Variants in ZBTB44 observed in about 807,000 individuals in gnomAD.
ZBTB44 encodes the protein zinc finger and BTB domain containing 44, also known as zinc finger and BTB domain-containing protein 44.
Under a neutral mutation model 54.0 loss-of-function variants are expected in ZBTB44, and 15 were observed. The observed-to-expected ratio is 0.28, with a 90% CI of 0.19 to 0.43. ZBTB44 has a LOEUF of 0.43. ZBTB44 is among the 20% of genes least tolerant of loss of function. ZBTB44 has a pLI of 1.00. For missense variants in ZBTB44, 487 were observed against 707.1 expected (o/e 0.69, Z 3.53); for synonymous variants, 230 against 250.1 (o/e 0.92, Z 0.76).
chr11:130,255,898 C>CAAA (rs66874715), intron 2 of ZBTB44, among the ~76,000 whole-genome samples: 79 of 93,392 alleles, frequency 8.5e-4, no homozygotes, highest in Middle Eastern at 6.0e-3. Context: ...GGCAAAACCT[C>CAAA]AAAAAAAAAA....
chr11:130,232,435 G>A (rs1281676374), intron 7 of ZBTB44: 1 of 152,116 alleles, frequency 6.6e-6, no homozygotes, highest in Non-Finnish European at 1.5e-5. Flanking sequence ...AAGTCTAGAG[G>A]ATCATACAAA....
chr11:130,284,703 C>G (rs534637017), intron 1 of ZBTB44, among the ~76,000 whole-genome samples: 1 of 152,112 alleles, frequency 6.6e-6, no homozygotes, highest in Admixed American at 6.5e-5. Flanking sequence ...ACCGTCTCTA[C>G]TAAAAATACA....
rs867868711 is a variant in ZBTB44, at chr11:130,314,628, G to C, written c.-310C>G. ...AGTGGGAGTGCGAGGAGGCGGGGAG[G>C]GAAGCACCCCCAGCGCTCGGAGGGG... is the stretch of plus-strand genomic sequence containing the variant. On this transcript the variant is annotated 5_prime_UTR_variant, in exon 1 of 8. Transcript: ENST00000357899. 6.6e-6 allele frequency: 1 copy of C among 152,104 alleles called. No homozygotes were observed. The highest frequency in any genetic ancestry group is 2.4e-5 in the African/African-American group (1 of 41,398). The allele number at this position is 152,104 out of a possible 1,614,324, so 9.4% of individuals were successfully genotyped here. A position where few individuals can be genotyped will look rare whatever the true frequency, so the allele number is the denominator to read the frequency against.
At chr11:130,236,213 T>C (rs1954101262) in intron 5 of ZBTB44, 1 of 1,284,382 alleles carries the variant, frequency 7.8e-7, no homozygotes, top group Non-Finnish European at 1.0e-6. Flanking sequence ...TTTCCTGGGA[T>C]GCCCTATAAA....
rs1367887287 is a variant in ZBTB44 at position 130,261,269 on chromosome 11, G to A, written c.605C>T (p.Thr202Ile). 6.2e-7 allele frequency: 1 copy of A among 1,613,876 alleles called. No individual in the cohort carries two copies. Residue 202 changes from threonine (T) to isoleucine (I), a missense_variant, in exon 2 of 8, where the codon ACA becomes ATA. By Grantham distance (89) the Thr-to-Ile change is moderately conservative (BLOSUM62 -1). Coordinates refer to ENST00000357899, the MANE Select transcript of ZBTB44 (RefSeq NM_001301098.2). The surrounding 1 kb of genome is among the most constrained non-coding windows in gnomAD (Gnocchi z 4.8). ...AGAATTCAATACCTGGGGTGAGCTT[G>A]TTTGTGTGCCACACTTTACAGGACT... ...PESPVKCGTQTSSPQVLNSSA... is the reference protein window; with the variant it reads ...PESPVKCGTQISSPQVLNSSA...
At chr11:130,287,648 A>T (rs1941045690) in intron 1 of ZBTB44, among the ~76,000 whole-genome samples, 1 of 152,226 alleles carries the variant, frequency 6.6e-6, no homozygotes, top group Non-Finnish European at 1.5e-5. Flanking sequence ...AAATCCTGCA[A>T]CATATGAAGA....
Position 130,312,253 on chromosome 11 carries a change from C to T in ZBTB44, c.-57+2122G>A, listed in dbSNP as rs548881312. Among the ~76,000 whole-genome samples, 9 of 152,220 alleles carry T rather than the reference C, an allele frequency of 5.9e-5. No individual in the cohort carries two copies. In the South Asian group the frequency reaches 8.3e-4, roughly 14 times the overall value. On this transcript the variant is annotated intron_variant, in intron 1 of 7. Transcript: ENST00000357899. ...AAGATTGTCAGAAACTGGGTATTTG[C>T]TTAGTGTCCAAGTTTTACCCCAAGA...
At chr11:130,279,159 T>C (rs1350159765) in intron 1 of ZBTB44, among the ~76,000 whole-genome samples, 2 of 152,074 alleles carry the variant, frequency 1.3e-5, no homozygotes, top group Non-Finnish European at 2.9e-5. Context: ...ATTTCCCCAC[T>C]TCCCCAACCT....
chr11:130,286,538 G>A (rs113542836), intron 1 of ZBTB44, among the ~76,000 whole-genome samples: 1,843 of 152,206 alleles, frequency 0.012, 17 homozygotes, highest in Middle Eastern at 0.02. Flanking sequence ...ACAGAAGATT[G>A]CTCCAAGGAT....
chr11:130,263,989 A>G (rs1939067329), intron 1 of ZBTB44, among the ~76,000 whole-genome samples: 1 of 152,232 alleles, frequency 6.6e-6, no homozygotes, highest in Non-Finnish European at 1.5e-5. Flanking sequence ...CCAACAGTAT[A>G]TAAAGGCATC....
intron 1 of ZBTB44, among the ~76,000 whole-genome samples, chr11:130,276,442 CTTTTTTTTTT>C (rs1461087105): frequency 1.4e-5 from 2 of 138,554 alleles, no homozygotes; most frequent in African/African-American, 5.5e-5. Flanking sequence ...TTTTTTTTTT[CTTTTTTTTTT>C]GAGACAGAGT....
intron 1 of ZBTB44, among the ~76,000 whole-genome samples, chr11:130,294,849 A>C (rs1180617112): frequency 6.6e-6 from 1 of 152,240 alleles, no homozygotes; most frequent in African/African-American, 2.4e-5. Flanking sequence ...TTATTCATCC[A>C]TTTGGCTCCT....
intron 1 of ZBTB44, chr11:130,295,855 G>T: frequency 2.1e-6 from 3 of 1,415,142 alleles, no homozygotes; most frequent in Non-Finnish European, 3.0e-6. Context: ...AATTTTTGGT[G>T]TTCTTAAGGA....
At chr11:130,276,559 C>T (rs922475888) in intron 1 of ZBTB44, among the ~76,000 whole-genome samples, 11 of 151,572 alleles carry the variant, frequency 7.3e-5, no homozygotes, top group African/African-American at 9.7e-5. Flanking sequence ...TTCAGCCTCT[C>T]GAGTAGCTGG....
chr11:130,276,034 T>C (rs948530723), intron 1 of ZBTB44, among the ~76,000 whole-genome samples: 1 of 151,112 alleles, frequency 6.6e-6, no homozygotes, highest in Non-Finnish European at 1.5e-5. Context: ...GAGGCTAGTC[T>C]GGCTAACACG....
intron 1 of ZBTB44, among the ~76,000 whole-genome samples, chr11:130,269,193 G>A (rs1249234757): frequency 6.6e-6 from 1 of 152,018 alleles, no homozygotes; most frequent in Non-Finnish European, 1.5e-5. Context: ...GGAGGCTGAG[G>A]CAGGTGAATC....
chr11:130,301,793 G>T (rs1942001654), intron 1 of ZBTB44, among the ~76,000 whole-genome samples: 1 of 152,164 alleles, frequency 6.6e-6, no homozygotes, highest in South Asian at 2.1e-4. Context: ...TCATGCCTGT[G>T]ATTTCAGCAC....
chr11:130,267,339 A>G (rs1422520310), intron 1 of ZBTB44, among the ~76,000 whole-genome samples: 1 of 152,162 alleles, frequency 6.6e-6, no homozygotes, highest in African/African-American at 2.4e-5. Flanking sequence ...CTCATAGCAT[A>G]AAAGTGCAAG....
chr11:130,235,075 C>T (rs1368748934), intron 5 of ZBTB44, among the ~76,000 whole-genome samples: 1 of 152,062 alleles, frequency 6.6e-6, no homozygotes, highest in East Asian at 1.9e-4. Flanking sequence ...ATCTTAGAGG[C>T]TTTATTTAAA....
Sources: allele counts gnomAD v4.1 joint callset (sites outside exome capture counted in the v4.1 genomes callset), GRCh38; gene constraint gnomAD v4.1.1; non-coding constraint Gnocchi (gnomAD v3.1); transcripts MANE v1.5; gene names NCBI Gene and HGNC (gene_info 2026-07-23, HGNC 2026-07-21).